Variants in DSP observed in about 807,000 individuals in gnomAD.
DSP encodes the protein 250/210 kDa paraneoplastic pemphigus antigen.
DSP carries 114 observed loss-of-function variants against 290.6 expected under a neutral mutation model. The ratio of observed to expected loss-of-function variants is 0.39; its 90% confidence interval spans 0.34 to 0.46. The LOEUF (loss-of-function observed/expected upper bound fraction) is 0.46. Ranked by LOEUF, DSP falls within the 20% of genes least tolerant of loss-of-function variation. The pLI is 0.99. For missense variants in DSP, 3,230 were observed against 3,495.8 expected, an observed-to-expected ratio of 0.92 and a Z score of 1.92; for synonymous variants, 1,311 against 1,316.4, an observed-to-expected ratio of 1.00 and a Z score of 0.09.
intron 1 of DSP, among the ~76,000 whole-genome samples, chr6:7,552,322 G>A (rs2237105): frequency 0.25 from 38,026 of 151,748 alleles, 5,073 homozygotes; most frequent in African/African-American, 0.33. Context: ...TTGGGAGGCC[G>A]AGGTGGGCAG....
At chr6:7,555,850 C>G in intron 2 of DSP, 30 bp downstream of exon 2, 1 of 1,603,154 alleles carries the variant, frequency 6.2e-7, no homozygotes, top group Admixed American at 1.7e-5. Flanking sequence ...ATCGCTTCTC[C>G]CAAAGCCTTG....
rs1759511760 is a variant in DSP, at chr6:7,583,283, A to G, written c.6021A>G (p.Glu2007=). The G allele has an allele frequency of 1.9e-6, 3 of 1,614,100 alleles. No homozygotes were observed. In the African/African-American group the frequency reaches 4.0e-5, roughly 22 times the overall value. ...GKKSVEEVAS[E]IQPFLRGAGS... ...AGTCAGTGGAAGAAGTTGCTTCTGA[A>G]ATCCAGCCATTCCTTCGGGGTGCAG... Residue 2007 remains glutamate (E), a synonymous_variant, in exon 24 of 24, where the codon GAA becomes GAG. Transcript: ENST00000379802. This position sits in a 1 kb window ranked among gnomAD's most constrained non-coding sequence, Gnocchi z 4.0.
intron 1 of DSP, 119 bp downstream of exon 1, chr6:7,542,204 C>G (rs1256603986): frequency 7.3e-6 from 10 of 1,364,116 alleles, no homozygotes; most frequent in Non-Finnish European, 9.0e-6. Flanking sequence ...TGCCCCAGGT[C>G]CCGAAAGAAC....
At chr6:7,554,172 C>T (rs537541601) in intron 1 of DSP, among the ~76,000 whole-genome samples, 2 of 145,048 alleles carry the variant, frequency 1.4e-5, no homozygotes, top group African/African-American at 5.2e-5. Context: ...TCAGGCTGGC[C>T]CTGGCTGAAG....
In DSP at chr6:7,541,735, C is replaced by A. The variant is rs1757977703; in HGVS notation, c.-181C>A. 2 of 724,194 alleles carry A rather than the reference C, an allele frequency of 2.8e-6. No homozygotes were observed. Among genetic ancestry groups the A allele is most frequent in the Non-Finnish European group, 4.3e-6 (2 of 467,686 alleles). The allele number at this position is 724,194 out of a possible 1,614,324, so 44.9% of individuals were successfully genotyped here. On this transcript the variant is annotated 5_prime_UTR_variant, in exon 1 of 24. Coordinates refer to ENST00000379802, the MANE Select transcript of DSP (RefSeq NM_004415.4). ...CCCGCTCCTGCCCCCGGCCCGTCGC[C>A]GTCTCCGCGCTCGCAGCGGCCTCGG...
intron 20 of DSP, among the ~76,000 whole-genome samples, 161 bp downstream of exon 20, chr6:7,577,203 T>C (rs537650245): frequency 2.0e-5 from 3 of 152,354 alleles, no homozygotes; most frequent in East Asian, 3.8e-4. Context: ...ATCTATTAGC[T>C]TGAATTCATT....
At position 7,582,604 on chromosome 6, in the gene DSP, A is replaced by G. The variant is rs1315162370; in HGVS notation, c.5380-38A>G. 2.6e-6 allele frequency: 4 copies of G among 1,543,806 alleles called. No homozygotes were observed. In the Admixed American group the frequency reaches 5.0e-5, roughly 19 times the overall value. ...TGATAGTAATATGATATGATTCAAA[A>G]CATTATTTTTTCCCATTTCTTTCTT... On this transcript the variant is annotated intron_variant, in intron 23 of 23. Transcript: ENST00000379802. This position sits in a 1 kb window ranked among gnomAD's most constrained non-coding sequence, Gnocchi z 4.2.
chr6:7,569,311 G>A lies in DSP; in HGVS notation c.1545G>A (p.Pro515=), dbSNP rs747953037. ...VPSVGLIIPP[P]NPLAVDLSCK... The stretch of plus-strand genomic sequence containing the variant: ...CTGTGGGGCTGATCATCCCTCCTCC[G>A]AACCCACTGGCCGTGGACCTCTCTT... The change falls in exon 12 of 24, where the codon CCG becomes CCA. Residue 515 remains proline (P), a synonymous_variant. Coordinates refer to ENST00000379802, the MANE Select transcript of DSP (RefSeq NM_004415.4). 4.1e-5 allele frequency: 66 copies of A among 1,613,956 alleles called. 1 individual carries two copies. Among genetic ancestry groups the A allele is most frequent in the South Asian group, 2.9e-4 (26 of 91,070 alleles).
chr6:7,563,105 T>G (rs754946384), intron 5 of DSP, among the ~76,000 whole-genome samples: 9 of 152,172 alleles, frequency 5.9e-5, no homozygotes, highest in Non-Finnish European at 1.5e-5. Context: ...GCAACAGTCT[T>G]ATACAGTAGT....
chr6:7,574,693 C>T lies in DSP; in HGVS notation c.2334C>T (p.Leu778=), dbSNP rs267601118. 6.2e-7 allele frequency: 1 copy of T among 1,614,106 alleles called. No homozygotes were observed. The highest frequency in any genetic ancestry group is 8.5e-7 in the Non-Finnish European group (1 of 1,180,004). ...TAAGGGCACTGCTCCAGGCTATTCT[C>T]CAAACAGAAGACATGTTAAAGGTTT... The part of the protein sequence containing the change: ...CTVRALLQAI[L]QTEDMLKVYE... The change falls in exon 17 of 24, where the codon CTC becomes CTT. Residue 778 remains leucine (L), a synonymous_variant. Coordinates refer to ENST00000379802, the MANE Select transcript of DSP (RefSeq NM_004415.4).
In DSP at chr6:7,585,901, A is replaced by G. The variant is rs1273982092; in HGVS notation, c.*23A>G. The G allele has an allele frequency of 6.2e-7, 1 of 1,605,238 alleles. No homozygotes were observed. Among genetic ancestry groups the G allele is most frequent in the Non-Finnish European group, 8.5e-7 (1 of 1,173,302 alleles). On this transcript the variant is annotated 3_prime_UTR_variant, in exon 24 of 24. Coordinates refer to ENST00000379802, the MANE Select transcript of DSP (RefSeq NM_004415.4). ...TAGTAGTCAGTTGGGAGTGGTTGCT[A>G]TACCTTGACTTCATTTATATGAATT...
Position 7,541,869 on chromosome 6 carries a change from C to A in DSP, c.-47C>A. The stretch of plus-strand genomic sequence containing the variant: ...CTCCGCTTTCTCCGCGCCGGCCCGC[C>A]TCGCTTATGCCTCGGCGCTGAGCCG... On this transcript the variant is annotated 5_prime_UTR_variant, in exon 1 of 24. Coordinates refer to ENST00000379802, the MANE Select transcript of DSP (RefSeq NM_004415.4). 6.3e-7 allele frequency: 1 copy of A among 1,574,832 alleles called. No homozygotes were observed. The highest frequency in any genetic ancestry group is 8.6e-7 in the Non-Finnish European group (1 of 1,162,124).
intron 1 of DSP, among the ~76,000 whole-genome samples, chr6:7,545,779 C>T (rs1285211151): frequency 1.3e-5 from 2 of 152,102 alleles, no homozygotes; most frequent in African/African-American, 2.4e-5. Flanking sequence ...GAAGTGGTGT[C>T]GAACTAGACT....
chr6:7,568,300 G>T, intron 10 of DSP, 137 bp from the exon 11 acceptor site: 1 of 1,000,008 alleles, frequency 1.0e-6, no homozygotes, highest in Non-Finnish European at 1.5e-6. Context: ...TCCTGCCGAC[G>T]AATTTGTGAT....
chr6:7,559,899 C>T (rs1414447453), intron 4 of DSP, among the ~76,000 whole-genome samples: 4 of 152,156 alleles, frequency 2.6e-5, no homozygotes, highest in African/African-American at 9.7e-5. Context: ...TGGTTGCTTA[C>T]CTTAGACTTT....
Position 7,584,964 on chromosome 6 carries a change from G to C in DSP, c.7702G>C (p.Gly2568Arg). ...CATGATCTCCTTGAAAAATGGTGTC[G>C]GCACCAGCAGCAGCATGGGCAGTGG... Reference protein sequence around the residue: ...ADMISLKNGVGTSSSMGSGVS... With the variant: ...ADMISLKNGVRTSSSMGSGVS... Residue 2568 changes from glycine to arginine, a missense_variant, in exon 24 of 24, where the codon GGC becomes CGC. Transcript: ENST00000379802. The surrounding 1 kb of genome is among the most constrained non-coding windows in gnomAD (Gnocchi z 6.4). 6.2e-7 allele frequency: 1 copy of C among 1,614,134 alleles called. No individual in the cohort carries two copies. Among genetic ancestry groups the C allele is most frequent in the Non-Finnish European group, 8.5e-7 (1 of 1,180,010 alleles).
chr6:7,582,786 A>T lies in DSP; in HGVS notation c.5524A>T (p.Thr1842Ser). 1 of 1,613,982 alleles carries T rather than the reference A, an allele frequency of 6.2e-7. No individual in the cohort carries two copies. Among genetic ancestry groups the T allele is most frequent in the African/African-American group, 1.3e-5 (1 of 74,972 alleles). ...LEDELNRAKS[T>S]LEAETRVKQR... The stretch of plus-strand genomic sequence containing the variant: ...GGATGAGCTGAATCGTGCAAAATCA[A>T]CTCTAGAGGCAGAAACCAGGGTGAA... The change falls in exon 24 of 24, where the codon ACT (threonine) becomes TCT (serine). Residue 1842 changes from threonine (T) to serine (S), a missense_variant. By Grantham distance (58) the Thr-to-Ser change is moderately conservative (BLOSUM62 1). This residue lies in a region of DSP where 1,714 missense variants were observed against 1,844.5 expected (regional missense o/e 0.93). Coordinates refer to ENST00000379802, the MANE Select transcript of DSP (RefSeq NM_004415.4). This position sits in a 1 kb window ranked among gnomAD's most constrained non-coding sequence, Gnocchi z 4.2.
chr6:7,564,820 A>G (rs1758807326), intron 6 of DSP, among the ~76,000 whole-genome samples: 1 of 152,192 alleles, frequency 6.6e-6, no homozygotes. Flanking sequence ...TCAGTAAAAA[A>G]TACCAAAAAA....
At chr6:7,563,299 T>G (rs188593785) in intron 5 of DSP, among the ~76,000 whole-genome samples, 2 of 149,866 alleles carry the variant, frequency 1.3e-5, no homozygotes, top group East Asian at 3.9e-4. Context: ...TCTCTACACT[T>G]GTAAATCACT....
Sources: allele counts gnomAD v4.1 joint callset (sites outside exome capture counted in the v4.1 genomes callset), GRCh38; gene constraint gnomAD v4.1.1; regional missense constraint gnomAD v4.1.1; non-coding constraint Gnocchi (gnomAD v3.1); transcripts MANE v1.5; gene names NCBI Gene and HGNC (gene_info 2026-07-23, HGNC 2026-07-21).